RB1: variants seen among roughly 807,000 people sequenced by gnomAD.
The protein encoded by RB1 is retinoblastoma-associated protein.
In RB1, 18 loss-of-function variants were observed where a neutral mutation model predicts 135.4. The ratio of observed to expected loss-of-function variants is 0.13; its 90% CI spans 0.09 to 0.20. The LOEUF (loss-of-function observed/expected upper bound fraction) is 0.20, where lower values mean the gene tolerates loss of function less well. Ranked by LOEUF, RB1 falls within the 10% of genes least tolerant of loss-of-function variation. The pLI, the probability that RB1 is intolerant of heterozygous loss-of-function variation, is 1.00. For missense variants in RB1, 868 were observed against 1,110.0 expected, an observed-to-expected ratio of 0.78 and a Z score of 3.10; for synonymous variants, 365 against 373.2, an observed-to-expected ratio of 0.98 and a Z score of 0.25.
Position 48,363,077 on chromosome 13 carries a change from T to C in RB1, c.861+120T>C, listed in dbSNP as rs893418073. On this transcript the variant is annotated intron_variant, in intron 8 of 26. Transcript: ENST00000267163. ...TTTTTTGTAATTAGTGCTAACTCTTTTGCAGTAGCAAAATATTTAGAAAAA... is the reference window on the plus strand; with the variant it reads ...TTTTTTGTAATTAGTGCTAACTCTTCTGCAGTAGCAAAATATTTAGAAAAA... The C allele has an allele frequency of 1.1e-5, 13 of 1,218,600 alleles. No individual in the cohort carries two copies. The African/African-American group carries it at 1.8e-4, about 17-fold the overall frequency. 75.5% of individuals were successfully genotyped at this position (1,218,600 alleles called of 1,614,324 possible).
In RB1 at chr13:48,321,149, T is replaced by TGCGTCCC. The variant is rs920592718; in HGVS notation, c.264+13753_264+13759dup. 2.0e-4 allele frequency among the ~76,000 whole-genome samples: 30 copies of TGCGTCCC among 152,270 alleles called. 1 individual carries two copies. Among genetic ancestry groups the TGCGTCCC allele is most frequent in the Middle Eastern group, 6.8e-3 (2 of 294 alleles). ...CCACCGCGCTGACCCTGCCTGCGCT[T>TGCGTCCC]GCGTCCCGCGTCCCGCATCCGGGGG... On this transcript the variant is annotated intron_variant, in intron 2 of 26. Transcript: ENST00000267163.
In RB1 at chr13:48,465,115, G is replaced by A. The variant is rs775640888; in HGVS notation, c.2325+4G>A. 1.2e-6 allele frequency: 2 copies of A among 1,613,422 alleles called. No homozygotes were observed. Among genetic ancestry groups the A allele is most frequent in the Non-Finnish European group, 1.7e-6 (2 of 1,179,610 alleles). On this transcript the variant is annotated splice_donor_region_variant and intron_variant, in intron 22 of 26. Coordinates refer to ENST00000267163, the MANE Select transcript of RB1 (RefSeq NM_000321.3). ...TTTGCAGTATGCTTCCACCAGGGTAGGTCAAAAGTATCCTTTGATTGGAAA... is the reference window on the plus strand; with the variant it reads ...TTTGCAGTATGCTTCCACCAGGGTAAGTCAAAAGTATCCTTTGATTGGAAA...
chr13:48,327,288 A>C (rs1267443396), intron 2 of RB1, among the ~76,000 whole-genome samples: 4 of 152,160 alleles, frequency 2.6e-5, no homozygotes, highest in Non-Finnish European at 5.9e-5. Flanking sequence ...TAAAAGAAAC[A>C]GTTTTCTTAT....
intron 17 of RB1, among the ~76,000 whole-genome samples, chr13:48,436,844 A>C (rs990534787): frequency 3.9e-5 from 6 of 152,224 alleles, no homozygotes; most frequent in African/African-American, 1.4e-4. Context: ...GGGTGGCACA[A>C]AAACATTTCC....
chr13:48,450,688 T>C (rs1340267597), intron 17 of RB1, among the ~76,000 whole-genome samples: 2 of 152,208 alleles, frequency 1.3e-5, no homozygotes, highest in Non-Finnish European at 2.9e-5. Context: ...TTTGGTTCCA[T>C]GTGAATTAGT....
chr13:48,466,530 C>T (rs962203424), intron 23 of RB1, among the ~76,000 whole-genome samples: 21 of 152,068 alleles, frequency 1.4e-4, no homozygotes, highest in African/African-American at 4.8e-4. Flanking sequence ...CACAGTTCCT[C>T]ACCAGCAACG....
chr13:48,471,573 T>TTAAAAAAAAAAAA (rs71072103), intron 23 of RB1, among the ~76,000 whole-genome samples: 1 of 133,960 alleles, frequency 7.5e-6, no homozygotes, highest in Non-Finnish European at 1.6e-5. Flanking sequence ...AAAATATAAA[T>TTAAAAAAAAAAAA]AAAAAAAAAA....
chr13:48,453,296 G>A (rs1045302169), intron 18 of RB1, among the ~76,000 whole-genome samples, 185 bp downstream of exon 18: 4 of 152,152 alleles, frequency 2.6e-5, no homozygotes, highest in Admixed American at 2.6e-4. Context: ...AGTACAGAGT[G>A]CTACTGAATC....
chr13:48,343,087 A>G (rs1272610742), intron 3 of RB1, among the ~76,000 whole-genome samples: 2 of 152,150 alleles, frequency 1.3e-5, no homozygotes, highest in Non-Finnish European at 2.9e-5. Flanking sequence ...TTTAGGTAAG[A>G]TTTATTAAAG....
At chr13:48,374,903 C>A (rs570652819) in intron 12 of RB1, among the ~76,000 whole-genome samples, 269 of 152,178 alleles carry the variant, frequency 1.8e-3, no homozygotes, top group African/African-American at 5.9e-3. Context: ...TCTATTGCTG[C>A]CATCTTTATG....
At chr13:48,430,782 A>C (rs756326345) in intron 17 of RB1, among the ~76,000 whole-genome samples, 4 of 151,400 alleles carry the variant, frequency 2.6e-5, no homozygotes, top group Non-Finnish European at 5.9e-5. Flanking sequence ...AAAAAACAGT[A>C]GAGGCCTGCT....
At chr13:48,478,375 T>A (rs1949516872) in intron 26 of RB1, among the ~76,000 whole-genome samples, 1 of 152,214 alleles carries the variant, frequency 6.6e-6, no homozygotes, top group Admixed American at 6.5e-5. Context: ...TCTTTTTGGA[T>A]TTTATGTCAA....
At chr13:48,464,034 T>C (rs1413215626) in intron 21 of RB1, among the ~76,000 whole-genome samples, 199 bp downstream of exon 21, 2 of 152,212 alleles carry the variant, frequency 1.3e-5, no homozygotes, top group Non-Finnish European at 2.9e-5. Flanking sequence ...ATTATGAAAT[T>C]ACCCATATTC....
intron 18 of RB1, among the ~76,000 whole-genome samples, chr13:48,454,452 G>GT (rs1949347989): frequency 6.6e-6 from 1 of 152,094 alleles, no homozygotes; most frequent in Admixed American, 6.5e-5. Flanking sequence ...GTTAAGCCTT[G>GT]TTTTTTTAAA....
chr13:48,411,824 A>G (rs1005589456), intron 17 of RB1: 2 of 1,613,076 alleles, frequency 1.2e-6, no homozygotes, highest in Non-Finnish European at 8.5e-7. Context: ...AACAAGTTAC[A>G]TTTAAAATTA....
intron 17 of RB1, among the ~76,000 whole-genome samples, chr13:48,419,862 C>A (rs1392962229): frequency 6.6e-6 from 1 of 152,130 alleles, no homozygotes; most frequent in Non-Finnish European, 1.5e-5. Context: ...CCTGAATAGA[C>A]CAATAACAAG....
chr13:48,378,034 G>GA (rs564716071), intron 13 of RB1, among the ~76,000 whole-genome samples: 266 of 152,324 alleles, frequency 1.7e-3, no homozygotes, highest in African/African-American at 6.1e-3. Flanking sequence ...TTACAGGATT[G>GA]AAAGTTGCTC....
At chr13:48,454,670 C>T (rs1016567670) in intron 18 of RB1, among the ~76,000 whole-genome samples, 14 of 152,116 alleles carry the variant, frequency 9.2e-5, no homozygotes, top group East Asian at 1.9e-4. Context: ...AAGAGAGAAA[C>T]GGAGAGGCTG....
At chr13:48,323,828 C>T (rs769176285) in intron 2 of RB1, among the ~76,000 whole-genome samples, 9 of 152,012 alleles carry the variant, frequency 5.9e-5, no homozygotes, top group Non-Finnish European at 1.3e-4. Context: ...TTTAATTTAA[C>T]CTTATAGATA....
Sources: allele counts gnomAD v4.1 joint callset (sites outside exome capture counted in the v4.1 genomes callset), GRCh38; gene constraint gnomAD v4.1.1; transcripts MANE v1.5; gene names NCBI Gene and HGNC (gene_info 2026-07-23, HGNC 2026-07-21).